VRK2: variants seen among roughly 807,000 people sequenced by gnomAD.
The protein encoded by VRK2 is VRK serine/threonine kinase 2.
In VRK2, 60 loss-of-function variants were observed where a neutral mutation model predicts 57.6. The observed-to-expected ratio is 1.04, with a 90% CI of 0.85 to 1.29. The LOEUF (loss-of-function observed/expected upper bound fraction) is 1.29, where lower values mean the gene tolerates loss of function less well. Ranked by LOEUF, VRK2 falls within the 50% of genes most tolerant of loss-of-function variation. The pLI, the probability that VRK2 is intolerant of heterozygous loss-of-function variation, is 0.00. For synonymous variants in VRK2, 231 were observed against 199.2 expected, an observed-to-expected ratio of 1.16 and a Z score of -1.35; for missense variants, 705 against 588.1, an observed-to-expected ratio of 1.20 and a Z score of -2.06.
intron 1 of VRK2, among the ~76,000 whole-genome samples, chr2:57,940,291 A>G (rs746998924): frequency 3.9e-5 from 6 of 152,120 alleles, no homozygotes; most frequent in Non-Finnish European, 7.3e-5. Context: ...CAAGGAAAAG[A>G]GAGGACTCAT....
chr2:58,141,717 C>G (rs930531651), intron 11 of VRK2, among the ~76,000 whole-genome samples: 1 of 151,870 alleles, frequency 6.6e-6, no homozygotes, highest in Non-Finnish European at 1.5e-5. Flanking sequence ...CTTTAAGTAT[C>G]TTAATTTTCA....
intron 9 of VRK2, among the ~76,000 whole-genome samples, chr2:58,134,879 C>G (rs1192475874): frequency 6.6e-6 from 1 of 151,966 alleles, no homozygotes; most frequent in South Asian, 2.1e-4. Flanking sequence ...TGGCTGCAAC[C>G]CTTATGGTGG....
intron 7 of VRK2, among the ~76,000 whole-genome samples, chr2:58,089,930 AAT>A (rs1672135495): frequency 6.6e-6 from 1 of 152,202 alleles, no homozygotes; most frequent in African/African-American, 2.4e-5. Flanking sequence ...GGGGTTAAAT[AAT>A]ATGTTAATGG....
chr2:57,940,670 A>T (rs1198518345), intron 1 of VRK2, among the ~76,000 whole-genome samples: 1 of 152,166 alleles, frequency 6.6e-6, no homozygotes, highest in Non-Finnish European at 1.5e-5. Flanking sequence ...TATTTTACAT[A>T]CATTTATTTA....
At chr2:58,037,161 C>T (rs928316988) in intron 3 of VRK2, among the ~76,000 whole-genome samples, 2 of 151,928 alleles carry the variant, frequency 1.3e-5, no homozygotes, top group African/African-American at 4.8e-5. Flanking sequence ...ATCTCCAATT[C>T]CTGGGCTCAG....
At chr2:57,909,660 G>T (rs557392603) in intron 1 of VRK2, among the ~76,000 whole-genome samples, 11 of 152,216 alleles carry the variant, frequency 7.2e-5, no homozygotes, top group Middle Eastern at 3.4e-3. Context: ...TTTTAATCAT[G>T]AAATATATTT....
chr2:58,088,525 A>C (rs1671947811), intron 6 of VRK2, 79 bp downstream of exon 6: 1 of 1,108,932 alleles, frequency 9.0e-7, no homozygotes, highest in African/African-American at 1.6e-5. Context: ...CCTTTGTGGA[A>C]TTATTAGAGA....
intron 10 of VRK2, among the ~76,000 whole-genome samples, chr2:58,135,441 C>CT (rs201516911): frequency 0.096 from 12,458 of 130,424 alleles, 1,549 homozygotes; most frequent in African/African-American, 0.3. Flanking sequence ...CTGCTTAGTG[C>CT]TTTTTTTTTT....
At chr2:58,123,707 ACAAAAGGGTTGG>A (rs1343319907) in intron 8 of VRK2, among the ~76,000 whole-genome samples, 1 of 152,036 alleles carries the variant, frequency 6.6e-6, no homozygotes, top group Non-Finnish European at 1.5e-5. Flanking sequence ...ACAAAAAAAT[ACAAAAGGGTTGG>A]CACTTGCCTG....
At chr2:58,112,935 G>A (rs1675791017) in intron 7 of VRK2, among the ~76,000 whole-genome samples, 1 of 152,108 alleles carries the variant, frequency 6.6e-6, no homozygotes, top group Non-Finnish European at 1.5e-5. Flanking sequence ...GTCTGGGTGT[G>A]GTTATGACTT....
At chr2:58,016,815 T>C (rs1483334193) in intron 1 of VRK2, among the ~76,000 whole-genome samples, 1 of 152,210 alleles carries the variant, frequency 6.6e-6, no homozygotes, top group Non-Finnish European at 1.5e-5. Flanking sequence ...AATAAATCTG[T>C]TTTTATTTAT....
intron 7 of VRK2, among the ~76,000 whole-genome samples, chr2:58,115,520 G>C (rs531960818): frequency 6.7e-6 from 1 of 150,282 alleles, no homozygotes; most frequent in African/African-American, 2.4e-5. Flanking sequence ...GCAGACATGA[G>C]GGCTAGGCTA....
rs1160394540 is a variant in VRK2, at chr2:58,017,792, AT to A, written c.-438-7870del. On this transcript the variant is annotated intron_variant, in intron 1 of 15. Coordinates refer to the VRK2 transcript ENST00000417641. The stretch of plus-strand genomic sequence containing the variant: ...CTTTGAAAGGGAAGTCAGTTACCTT[AT>A]TTCTTATTAATGATAGTAAAGCTAG... Among the ~76,000 whole-genome samples, 46 of 152,122 alleles carry A rather than the reference AT, an allele frequency of 3.0e-4. 1 individual carries two copies. Among genetic ancestry groups the A allele is most frequent in the Admixed American group, 3.0e-3 (46 of 15,260 alleles).
intron 7 of VRK2, among the ~76,000 whole-genome samples, chr2:58,095,411 G>A (rs1358508209): frequency 6.6e-6 from 1 of 152,040 alleles, no homozygotes; most frequent in African/African-American, 2.4e-5. Flanking sequence ...ATATGAACAA[G>A]GAATGTTTCT....
At chr2:57,915,827 C>T (rs1180368645) in intron 1 of VRK2, among the ~76,000 whole-genome samples, 1 of 152,166 alleles carries the variant, frequency 6.6e-6, no homozygotes, top group African/African-American at 2.4e-5. Context: ...AGCATTACAG[C>T]CTGAGCTCCG....
chr2:58,069,842 A>G (rs932384889), intron 2 of VRK2, among the ~76,000 whole-genome samples: 4 of 152,208 alleles, frequency 2.6e-5, no homozygotes, highest in Non-Finnish European at 5.9e-5. Flanking sequence ...TGTTTGCCCC[A>G]GTGTCAACTT....
At chr2:57,989,252 A>G (rs1415115578) in intron 1 of VRK2, among the ~76,000 whole-genome samples, 4 of 152,214 alleles carry the variant, frequency 2.6e-5, no homozygotes, top group African/African-American at 9.6e-5. Flanking sequence ...ATTCAAATAT[A>G]CATTTAAATA....
At chr2:58,131,719 T>C in intron 8 of VRK2, 89 bp from the exon 9 acceptor site, 1 of 1,417,070 alleles carries the variant, frequency 7.1e-7, no homozygotes, top group Admixed American at 2.6e-5. Context: ...CTTTTTCATA[T>C]TTCATCAGTA....
At chr2:57,988,287 T>TGTGAA (rs1672661789) in intron 1 of VRK2, among the ~76,000 whole-genome samples, 3 of 152,230 alleles carry the variant, frequency 2.0e-5, no homozygotes, top group Non-Finnish European at 4.4e-5. Context: ...CATAGTTTTA[T>TGTGAA]GATTTCTACT....
Sources: gnomAD v4.1 joint callset for allele counts (sites outside exome capture counted in the v4.1 genomes callset) on GRCh38, gnomAD v4.1.1 for gene constraint, MANE v1.5 for transcripts, NCBI Gene and HGNC (gene_info 2026-07-23, HGNC 2026-07-21) for gene names.